The following S100Z variants were observed in gnomAD, a reference collection of about 807,000 sequenced individuals.
S100Z encodes the protein protein S100-Z.
In S100Z, 11 loss-of-function variants were observed where a neutral mutation model predicts 8.5. The ratio of observed to expected loss-of-function variants is 1.30; its 90% confidence interval spans 0.82 to 2.15. S100Z has a LOEUF of 2.15. Among genes scored for constraint, S100Z ranks in the 30% most tolerant of loss-of-function variants. The pLI, the probability that S100Z is intolerant of heterozygous loss-of-function variation, is 0.00. For missense variants in S100Z, 126 were observed against 117.9 expected, an observed-to-expected ratio of 1.07 and a Z score of -0.32; for synonymous variants, 34 against 43.8, an observed-to-expected ratio of 0.78 and a Z score of 0.89.
At chr5:76,875,199 A>G in intron 2 of S100Z, 105 bp from the exon 3 acceptor site, 3 of 644,922 alleles carry the variant, frequency 4.7e-6, no homozygotes, top group South Asian at 4.6e-5. Flanking sequence ...GCAGACTATT[A>G]TGTTTTTAAC....
intron 4 of S100Z, among the ~76,000 whole-genome samples, chr5:76,907,466 G>T (rs1267171663): frequency 6.6e-6 from 1 of 152,004 alleles, no homozygotes; most frequent in Non-Finnish European, 1.5e-5. Context: ...ACCATGCCCG[G>T]CTAATTTTTT....
At chr5:76,891,365 A>G (rs1297191913) in intron 4 of S100Z, among the ~76,000 whole-genome samples, 1 of 152,214 alleles carries the variant, frequency 6.6e-6, no homozygotes. Context: ...AGGCATCAGC[A>G]TTTTTTAAAG....
intron 4 of S100Z, among the ~76,000 whole-genome samples, chr5:76,918,280 C>A (rs973211378): frequency 2.0e-5 from 3 of 152,142 alleles, no homozygotes; most frequent in Non-Finnish European, 4.4e-5. Flanking sequence ...AATCTCAGCT[C>A]GCTGCAACTT....
chr5:76,908,276 G>T (rs1744526187), intron 4 of S100Z, among the ~76,000 whole-genome samples: 1 of 152,126 alleles, frequency 6.6e-6, no homozygotes, highest in East Asian at 1.9e-4. Flanking sequence ...TCAGCTTCGG[G>T]GTCCTGACAA....
intron 4 of S100Z, among the ~76,000 whole-genome samples, chr5:76,887,129 G>C (rs891582403): frequency 2.1e-5 from 3 of 143,556 alleles, no homozygotes; most frequent in African/African-American, 7.8e-5. Flanking sequence ...ACAGAGTCTT[G>C]CTCTGTCACC....
downstream of S100Z, among the ~76,000 whole-genome samples, chr5:76,924,607 C>T (rs1745102698): frequency 6.6e-6 from 1 of 152,088 alleles, no homozygotes; most frequent in Admixed American, 6.6e-5. Context: ...AACTTAATAG[C>T]TTAACAAAGA....
At chr5:76,929,076 A>G in the S100Z span, among the ~76,000 whole-genome samples, 1 of 152,250 alleles carries the variant, frequency 6.6e-6, no homozygotes, top group African/African-American at 2.4e-5. Context: ...CTTCAGTATT[A>G]GAATCTGAGC....
chr5:76,902,326 A>T (rs1382377140), intron 4 of S100Z, among the ~76,000 whole-genome samples: 1 of 152,116 alleles, frequency 6.6e-6, no homozygotes, highest in African/African-American at 2.4e-5. Context: ...CTGCCTTTCA[A>T]ATATTCTTGG....
At chr5:76,907,007 T>TATATATATACAC (rs1744473348) in intron 4 of S100Z, among the ~76,000 whole-genome samples, 1 of 17,610 alleles carries the variant, frequency 5.7e-5, no homozygotes, top group African/African-American at 2.1e-4. Flanking sequence ...TATATATATA[T>TATATATATACAC]ATATATATAT....
In S100Z at chr5:76,874,212, T is replaced by TTC. The variant is rs1007348267; in HGVS notation, c.-56-1092_-56-1091insTC. On this transcript the variant is annotated intron_variant, in intron 2 of 4. Transcript: ENST00000317593. The stretch of plus-strand genomic sequence containing the variant: ...AGCACTTCCTCTTTTTTTTTTTTTT[T>TTC]CAACTGTCCTTTGGGTTAGTTTAAT... Among the ~76,000 whole-genome samples, 7 of 151,374 alleles carry TTC rather than the reference T, an allele frequency of 4.6e-5. No individual in the cohort carries two copies. The East Asian group carries it at 7.7e-4, about 17-fold the overall frequency.
intron 4 of S100Z, among the ~76,000 whole-genome samples, chr5:76,890,669 A>T (rs896444112): frequency 2.6e-5 from 4 of 151,986 alleles, no homozygotes; most frequent in Non-Finnish European, 5.9e-5. Flanking sequence ...AACAAACAAA[A>T]ACAGGATTTG....
chr5:76,908,347 C>T (rs530543841), intron 4 of S100Z, among the ~76,000 whole-genome samples: 1 of 152,306 alleles, frequency 6.6e-6, no homozygotes, highest in South Asian at 2.1e-4. Context: ...CCAAGCAAGA[C>T]TTGCCTATCT....
chr5:76,876,219 A>G (rs987503371), intron 3 of S100Z, among the ~76,000 whole-genome samples: 4 of 152,204 alleles, frequency 2.6e-5, no homozygotes, highest in Admixed American at 6.5e-5. Context: ...TTAAGACTAC[A>G]GAGACTGTTA....
intron 1 of S100Z, among the ~76,000 whole-genome samples, chr5:76,860,290 G>A (rs541068437): frequency 6.6e-6 from 1 of 152,238 alleles, no homozygotes; most frequent in East Asian, 1.9e-4. Flanking sequence ...ATGCTACATC[G>A]ACTCCAGCAA....
chr5:76,951,161 G>A, the S100Z span, among the ~76,000 whole-genome samples: 1 of 152,134 alleles, frequency 6.6e-6, no homozygotes, highest in Admixed American at 6.5e-5. Flanking sequence ...TGTGGATTAA[G>A]TAAAATCAGA....
intron 4 of S100Z, among the ~76,000 whole-genome samples, chr5:76,907,035 T>TAC: frequency 7.4e-6 from 1 of 134,820 alleles, no homozygotes; most frequent in African/African-American, 2.9e-5. Context: ...CATATATATA[T>TAC]ACCAAATTTT....
the S100Z span, among the ~76,000 whole-genome samples, chr5:76,946,008 A>G: frequency 1.3e-5 from 2 of 152,154 alleles, no homozygotes; most frequent in Non-Finnish European, 2.9e-5. Flanking sequence ...AATCTCCTTC[A>G]CAGTTATCCA....
rs1365599269 is a variant in S100Z at position 76,921,448 on chromosome 5, G to T, written c.*734G>T. 1 of 152,216 alleles carries T rather than the reference G, an allele frequency of 6.6e-6. No homozygotes were observed. Among genetic ancestry groups the T allele is most frequent in the Non-Finnish European group, 1.5e-5 (1 of 68,040 alleles). The allele number at this position is 152,216 out of a possible 1,614,324, so 9.4% of individuals were successfully genotyped here. ...AGAAATAAAGTCCCAGAAGGTAACA[G>T]AGATAGAACTAGGCACGATTTTCTA... is the stretch of plus-strand genomic sequence containing the variant. On this transcript the variant is annotated 3_prime_UTR_variant, in exon 5 of 5. Transcript: ENST00000317593.
chr5:76,890,861 T>TA (rs1318317377), intron 4 of S100Z, among the ~76,000 whole-genome samples: 2 of 152,182 alleles, frequency 1.3e-5, no homozygotes, highest in Non-Finnish European at 2.9e-5. Context: ...CAGTTTCTTC[T>TA]TTTATTTATT....
Sources: gnomAD v4.1 joint callset for allele counts (sites outside exome capture counted in the v4.1 genomes callset) on GRCh38, gnomAD v4.1.1 for gene constraint, MANE v1.5 for transcripts, NCBI Gene and HGNC (gene_info 2026-07-23, HGNC 2026-07-21) for gene names.